BRWD1: variants seen among roughly 807,000 people sequenced by gnomAD.
BRWD1 encodes bromodomain and WD repeat domain containing 1.
In BRWD1, 82 loss-of-function variants were observed where a neutral mutation model predicts 251.2. The observed-to-expected ratio is 0.33, with a 90% CI of 0.27 to 0.39. BRWD1 has a LOEUF of 0.39. Among genes scored for constraint, BRWD1 ranks in the 10% least tolerant of loss-of-function variants. BRWD1 has a pLI of 1.00. For missense variants in BRWD1, 2,233 were observed against 2,711.6 expected (o/e 0.82, Z 3.92); for synonymous variants, 918 against 902.8 (o/e 1.02, Z -0.30).
Position 39,195,320 on chromosome 21 carries a change from A to G in BRWD1, c.*939T>C, listed in dbSNP as rs974947997. The G allele has an allele frequency of 6.0e-6, 6 of 999,908 alleles. No homozygotes were observed. Among genetic ancestry groups the G allele is most frequent in the South Asian group, 8.9e-5 (2 of 22,532 alleles). 61.9% of individuals were successfully genotyped at this position (999,908 alleles called of 1,614,324 possible). On this transcript the variant is annotated 3_prime_UTR_variant, in exon 41 of 41. Transcript: ENST00000342449. ...TGGAATACAGATGGGGGAAACCTAC[A>G]TATTAACTTAAATACTCTTTTAGCC...
chr21:39,215,042 A>G (rs78336396), intron 32 of BRWD1, among the ~76,000 whole-genome samples, 195 bp downstream of exon 32: 1 of 121,434 alleles, frequency 8.2e-6, no homozygotes, highest in Admixed American at 9.4e-5. Context: ...TAATTTTTGT[A>G]TTTTTTTTAG....
In BRWD1 at chr21:39,187,533, G is replaced by A. The variant is rs183808484; in HGVS notation, c.*8726C>T. Reference sequence around the variant, plus strand: ...AAACAATAAATTTAAAAGTCATATTGCTAAATGATAAATTTTAAAATGTGA... The same window carrying A: ...AAACAATAAATTTAAAAGTCATATTACTAAATGATAAATTTTAAAATGTGA... On this transcript the variant is annotated 3_prime_UTR_variant, in exon 41 of 41. Coordinates refer to ENST00000342449, the MANE Select transcript of BRWD1 (RefSeq NM_033656.4). 2.5e-4 allele frequency: 345 copies of A among 1,401,520 alleles called. 2 individuals carry two copies. Among genetic ancestry groups the A allele is most frequent in the Non-Finnish European group, 1.8e-5 (19 of 1,082,264 alleles). The allele number at this position is 1,401,520 out of a possible 1,614,324, so 86.8% of individuals were successfully genotyped here.
chr21:39,313,562 G>T lies in BRWD1; in HGVS notation c.-71C>A. Reference sequence around the variant, plus strand: ...GTGTAGGCCGCGCCGAGGCCTGACCGGGCTGGCGTCCCCTCTTCTCAGGCG... The same window carrying T: ...GTGTAGGCCGCGCCGAGGCCTGACCTGGCTGGCGTCCCCTCTTCTCAGGCG... On this transcript the variant is annotated 5_prime_UTR_variant, in exon 1 of 41. Coordinates refer to ENST00000342449, the MANE Select transcript of BRWD1 (RefSeq NM_033656.4). 8.1e-7 allele frequency: 1 copy of T among 1,231,050 alleles called. No individual in the cohort carries two copies. The allele number at this position is 1,231,050 out of a possible 1,614,324, so 76.3% of individuals were successfully genotyped here. A position where few individuals can be genotyped will look rare whatever the true frequency, so the allele number is the denominator to read the frequency against.
At chr21:39,259,955 T>C (rs77164623) in intron 17 of BRWD1, among the ~76,000 whole-genome samples, 2,320 of 152,270 alleles carry the variant, frequency 0.015, 58 homozygotes, top group African/African-American at 0.053. Context: ...AAACCTCATA[T>C]AGTATTATGG....
intron 31 of BRWD1, among the ~76,000 whole-genome samples, chr21:39,216,444 G>A (rs2032896102): frequency 1.3e-5 from 2 of 152,174 alleles, no homozygotes; most frequent in African/African-American, 2.4e-5. Flanking sequence ...CCCTGACTCG[G>A]ACCTCCCTTC....
At chr21:39,299,685 G>C (rs144182604) in intron 4 of BRWD1, among the ~76,000 whole-genome samples, 1 of 151,932 alleles carries the variant, frequency 6.6e-6, no homozygotes, top group Non-Finnish European at 1.5e-5. Context: ...GAACAGAAAA[G>C]GGACTCAGGC....
chr21:39,299,133 G>C (rs2036036747), intron 4 of BRWD1, among the ~76,000 whole-genome samples: 1 of 152,084 alleles, frequency 6.6e-6, no homozygotes, highest in South Asian at 2.1e-4. Flanking sequence ...TGAGGCAGGA[G>C]AATCACTTGA....
Position 39,192,270 on chromosome 21 carries a change from T to G in BRWD1, c.*3989A>C, listed in dbSNP as rs1323273702. 68 of 975,846 alleles carry G rather than the reference T, an allele frequency of 7.0e-5. No individual in the cohort carries two copies. The highest frequency in any genetic ancestry group is 7.8e-5 in the Non-Finnish European group (64 of 822,122). 60.4% of individuals were successfully genotyped at this position (975,846 alleles called of 1,614,324 possible). A position where few individuals can be genotyped will look rare whatever the true frequency, so the allele number is the denominator to read the frequency against. Reference sequence around the variant, plus strand: ...TAGCATTACATACTTTACTTTTCAATCCTTACTATTCACAGTTTGAGCTAG... The same window carrying G: ...TAGCATTACATACTTTACTTTTCAAGCCTTACTATTCACAGTTTGAGCTAG... On this transcript the variant is annotated 3_prime_UTR_variant, in exon 41 of 41. Transcript: ENST00000342449.
intron 20 of BRWD1, among the ~76,000 whole-genome samples, chr21:39,248,668 A>C (rs865790332): frequency 0.012 from 1,398 of 120,360 alleles, 127 homozygotes; most frequent in African/African-American, 0.044. Context: ...AAAAAAAAAA[A>C]AAAAAAAAAA....
upstream of BRWD1, among the ~76,000 whole-genome samples, chr21:39,318,545 A>C (rs1279914333): frequency 4.6e-5 from 7 of 152,214 alleles, no homozygotes; most frequent in African/African-American, 1.7e-4. Context: ...CAGCACCTAG[A>C]GGTGAAATTA....
intron 17 of BRWD1, among the ~76,000 whole-genome samples, chr21:39,260,846 C>A (rs2034719644): frequency 1.3e-5 from 2 of 152,164 alleles, no homozygotes; most frequent in Admixed American, 6.5e-5. Flanking sequence ...TTAAAATACG[C>A]AGGACTGAAT....
intron 37 of BRWD1, among the ~76,000 whole-genome samples, chr21:39,203,046 C>A (rs1488973865): frequency 2.0e-5 from 3 of 152,270 alleles, no homozygotes; most frequent in Non-Finnish European, 4.4e-5. Context: ...TTACATCTAA[C>A]TGCACCCATT....
chr21:39,228,653 C>T, intron 26 of BRWD1, 71 bp from the exon 27 acceptor site: 2 of 781,464 alleles, frequency 2.6e-6, no homozygotes, highest in Non-Finnish European at 4.3e-6. Flanking sequence ...CAGCACTGTC[C>T]AAAAGAAACA....
Position 39,196,450 on chromosome 21 carries a change from G to T in BRWD1, c.6619C>A (p.Gln2207Lys), listed in dbSNP as rs1439358536. The change falls in exon 41 of 41, where the codon CAA becomes AAA. Residue 2207 changes from glutamine to lysine, a missense_variant. Physicochemically the swap from Gln to Lys is moderately conservative, Grantham distance 53. Transcript: ENST00000342449. ...ACACTTAACCTAGGGCGTTTGCTTT[G>T]TCTTTGACGTCTCACAGTTTTAGAT... ...NISKTVRRQR[Q>K]SKRPRLSVDD... 3 of 1,613,358 alleles carry T rather than the reference G, an allele frequency of 1.9e-6. No homozygotes were observed. The highest frequency in any genetic ancestry group is 2.5e-6 in the Non-Finnish European group (3 of 1,179,670).
intron 1 of BRWD1, among the ~76,000 whole-genome samples, chr21:39,320,865 A>G (rs893737455): frequency 6.6e-6 from 1 of 151,398 alleles, no homozygotes; most frequent in African/African-American, 2.4e-5. Context: ...ACAGGGTTTT[A>G]CCATGTTGGC....
At chr21:39,303,970 T>C (rs1442602655) in intron 4 of BRWD1, among the ~76,000 whole-genome samples, 2 of 151,506 alleles carry the variant, frequency 1.3e-5, no homozygotes, top group Non-Finnish European at 2.9e-5. Flanking sequence ...GGTTAAACCC[T>C]GTTTCTATTA....
upstream of BRWD1, chr21:39,313,651 G>C: frequency 2.1e-6 from 1 of 473,308 alleles, no homozygotes; most frequent in Non-Finnish European, 3.4e-6. Flanking sequence ...GCCTCCGCGG[G>C]GGAGGAAGTA....
intron 21 of BRWD1, among the ~76,000 whole-genome samples, chr21:39,240,149 A>G (rs2033939860): frequency 6.6e-6 from 1 of 152,268 alleles, no homozygotes; most frequent in Non-Finnish European, 1.5e-5. Flanking sequence ...CAATCTGCAA[A>G]GGCTACTAGC....
At chr21:39,263,335 C>T (rs1055006652) in intron 17 of BRWD1, among the ~76,000 whole-genome samples, 4 of 152,028 alleles carry the variant, frequency 2.6e-5, no homozygotes, top group African/African-American at 9.7e-5. Flanking sequence ...CACTGCCCTG[C>T]TATTAACACA....
Sources: allele counts gnomAD v4.1 joint callset (sites outside exome capture counted in the v4.1 genomes callset), GRCh38; gene constraint gnomAD v4.1.1; transcripts MANE v1.5; gene names NCBI Gene and HGNC (gene_info 2026-07-23, HGNC 2026-07-21).